Variants in DACH2 observed in about 807,000 individuals in gnomAD.
DACH2 encodes dachshund family transcription factor 2, also known as dachshund homolog 2.
In DACH2, 17 loss-of-function variants were observed where a neutral mutation model predicts 35.8. The observed-to-expected ratio is 0.48, with a 90% CI of 0.33 to 0.71. The LOEUF (loss-of-function observed/expected upper bound fraction) is 0.71, where lower values mean the gene tolerates loss of function less well. DACH2 is among the 30% of genes least tolerant of loss of function. The pLI is 0.02. For missense variants in DACH2, 469 were observed against 472.7 expected (o/e 0.99, Z 0.07); for synonymous variants, 195 against 177.3 (o/e 1.10, Z -0.79).
At chrX:86,763,685 C>T (rs932908777) in intron 7 of DACH2, among the ~76,000 whole-genome samples, 6 of 111,240 alleles carry the variant, frequency 5.4e-5, no homozygotes, top group African/African-American at 2.0e-4. Flanking sequence ...ATCTCCTGAC[C>T]TCGTGATCCA....
At chrX:86,806,389 A>AATC (rs1257567827) in intron 7 of DACH2, among the ~76,000 whole-genome samples, 1 of 111,274 alleles carries the variant, frequency 9.0e-6, no homozygotes, top group Non-Finnish European at 1.9e-5. Flanking sequence ...CCCACGATCC[A>AATC]ATCACCTCAC....
At chrX:86,570,358 C>G (rs1253139096) in intron 3 of DACH2, among the ~76,000 whole-genome samples, 1 of 111,453 alleles carries the variant, frequency 9.0e-6, no homozygotes, top group Non-Finnish European at 1.9e-5. Context: ...TAATGATAGA[C>G]TAGATAAAGA....
chrX:86,341,355 A>T (rs926814660), intron 1 of DACH2, among the ~76,000 whole-genome samples: 1 of 112,163 alleles, frequency 8.9e-6, no homozygotes, highest in Non-Finnish European at 1.9e-5. Flanking sequence ...TGTGCTCTAC[A>T]AATGGCACAA....
At chrX:86,455,700 T>C (rs2148203122) in intron 2 of DACH2, among the ~76,000 whole-genome samples, 1 of 112,361 alleles carries the variant, frequency 8.9e-6, no homozygotes, top group Non-Finnish European at 1.9e-5. Flanking sequence ...CCCTGGGAAC[T>C]TGGTCCCGTC....
chrX:86,714,840 T>C (rs911867123), intron 6 of DACH2, 120 bp downstream of exon 6: 2 of 638,866 alleles, frequency 3.1e-6, no homozygotes, highest in Admixed American at 7.4e-5. Context: ...TTAGTTAGCA[T>C]ACAGTATTGA....
chrX:86,618,440 T>G (rs559666272), intron 3 of DACH2, among the ~76,000 whole-genome samples: 1 of 111,870 alleles, frequency 8.9e-6, no homozygotes, highest in South Asian at 3.7e-4. Context: ...TTATAATCTT[T>G]GTTATCATAG....
intron 3 of DACH2, among the ~76,000 whole-genome samples, chrX:86,643,489 A>AG (rs200218472): frequency 0.091 from 10,074 of 110,692 alleles, 484 homozygotes; most frequent in African/African-American, 0.17. Flanking sequence ...AACCAAAAAA[A>AG]GCCCAGGACC....
chrX:86,362,288 A>G (rs951654523), intron 1 of DACH2, among the ~76,000 whole-genome samples: 6 of 111,350 alleles, frequency 5.4e-5, no homozygotes, highest in African/African-American at 1.6e-4. Context: ...GTATAAATTC[A>G]GAGAGAAAAT....
chrX:86,296,236 C>A (rs1224836313), intron 1 of DACH2, among the ~76,000 whole-genome samples: 1 of 103,426 alleles, frequency 9.7e-6, no homozygotes, highest in Non-Finnish European at 2.0e-5. Flanking sequence ...AAAAAATTAG[C>A]CGGGCGTGAT....
At chrX:86,304,877 A>G (rs2034649348) in intron 1 of DACH2, 2 of 128,550 alleles carry the variant, frequency 1.6e-5, no homozygotes, top group South Asian at 4.9e-4. Flanking sequence ...TGACTACATG[A>G]ACGCTGACCA....
intron 6 of DACH2, among the ~76,000 whole-genome samples, chrX:86,733,015 G>T (rs968417888): frequency 4.5e-5 from 5 of 111,278 alleles, no homozygotes; most frequent in African/African-American, 1.6e-4. Context: ...GGAGAAGGGT[G>T]CCCAATTTAA....
intron 1 of DACH2, among the ~76,000 whole-genome samples, chrX:86,347,077 T>C (rs999232194): frequency 1.8e-5 from 2 of 111,883 alleles, no homozygotes; most frequent in African/African-American, 6.5e-5. Context: ...GGGTAGTGAT[T>C]CTTCTGGTAG....
intron 1 of DACH2, among the ~76,000 whole-genome samples, chrX:86,299,519 A>T (rs2034533352): frequency 8.9e-6 from 1 of 111,979 alleles, no homozygotes; most frequent in Non-Finnish European, 1.9e-5. Context: ...TCTCATAAAG[A>T]TATGTGTGTT....
intron 3 of DACH2, among the ~76,000 whole-genome samples, chrX:86,587,295 G>A (rs1023220677): frequency 6.3e-5 from 7 of 111,583 alleles, no homozygotes; most frequent in Non-Finnish European, 9.5e-5. Flanking sequence ...TATTTTTTCA[G>A]AACAAGAAGC....
intron 7 of DACH2, among the ~76,000 whole-genome samples, chrX:86,743,989 A>C (rs1220401880): frequency 9.0e-6 from 1 of 111,355 alleles, no homozygotes; most frequent in Non-Finnish European, 1.9e-5. Context: ...CAAGCTGTAC[A>C]TGATGCATAT....
chrX:86,785,935 C>T (rs1400361822), intron 7 of DACH2, among the ~76,000 whole-genome samples: 1 of 111,381 alleles, frequency 9.0e-6, no homozygotes, highest in Non-Finnish European at 1.9e-5. Context: ...TGGCCAGAAA[C>T]AAGATTTGAT....
At chrX:86,167,515 G>T (rs2030982624) in intron 1 of DACH2, among the ~76,000 whole-genome samples, 1 of 109,978 alleles carries the variant, frequency 9.1e-6, no homozygotes, top group Non-Finnish European at 1.9e-5. Flanking sequence ...TTGTTTTATA[G>T]ATCTTTTGTT....
At chrX:86,743,199 G>T (rs1207003679) in intron 7 of DACH2, among the ~76,000 whole-genome samples, 5 of 111,003 alleles carry the variant, frequency 4.5e-5, no homozygotes, top group Non-Finnish European at 9.5e-5. Flanking sequence ...TAGCCCATCA[G>T]GTATTTACCT....
chrX:86,336,775 C>A, intron 1 of DACH2, among the ~76,000 whole-genome samples: 1 of 110,027 alleles, frequency 9.1e-6, no homozygotes, highest in Non-Finnish European at 1.9e-5. Flanking sequence ...TAATAAACTC[C>A]TCTGAGCTAA....
Sources: allele counts gnomAD v4.1 joint callset (sites outside exome capture counted in the v4.1 genomes callset), GRCh38; gene constraint gnomAD v4.1.1; transcripts MANE v1.5; gene names NCBI Gene and HGNC (gene_info 2026-07-23, HGNC 2026-07-21).